Variants in KIAA1217 observed in about 807,000 individuals in gnomAD.
KIAA1217 encodes KIAA1217.
KIAA1217 carries 88 observed loss-of-function variants against 163.9 expected under a neutral mutation model. The observed-to-expected ratio is 0.54, with a 90% CI of 0.45 to 0.64. The LOEUF (loss-of-function observed/expected upper bound fraction) is 0.64, where lower values mean the gene tolerates loss of function less well. Ranked by LOEUF, KIAA1217 falls within the 30% of genes least tolerant of loss-of-function variation. The pLI is 0.00. For missense variants in KIAA1217, 2,372 were observed against 2,475.0 expected (o/e 0.96, Z 0.88); for synonymous variants, 903 against 923.1 (o/e 0.98, Z 0.39).
chr10:24,106,855 T>TTTGG (rs72182311), intron 2 of KIAA1217, among the ~76,000 whole-genome samples: 6,609 of 152,212 alleles, frequency 0.043, 498 homozygotes, highest in African/African-American at 0.15. Context: ...TGTTGTGTTG[T>TTTGG]TTGGTTGGTT....
At chr10:23,989,657 A>T (rs77022570) in intron 1 of KIAA1217, among the ~76,000 whole-genome samples, 1 of 152,178 alleles carries the variant, frequency 6.6e-6, no homozygotes, top group South Asian at 2.1e-4. Context: ...TTGGGGTATC[A>T]GTTCCTGTAC....
At chr10:24,148,632 G>A (rs2064454794) in intron 2 of KIAA1217, among the ~76,000 whole-genome samples, 1 of 152,158 alleles carries the variant, frequency 6.6e-6, no homozygotes, top group Non-Finnish European at 1.5e-5. Context: ...CATGTGATAT[G>A]CCGGCTTCCC....
intron 2 of KIAA1217, among the ~76,000 whole-genome samples, chr10:24,138,067 A>G (rs1424200476): frequency 1.3e-5 from 2 of 152,244 alleles, no homozygotes; most frequent in African/African-American, 4.8e-5. Flanking sequence ...GTATAGTAGC[A>G]TAAGGTTCTT....
At chr10:24,418,070 C>T (rs749818925) in intron 3 of KIAA1217, among the ~76,000 whole-genome samples, 4 of 151,636 alleles carry the variant, frequency 2.6e-5, no homozygotes, top group African/African-American at 7.3e-5. Flanking sequence ...CCTCAGCCTC[C>T]GTAGTAGCTG....
rs58288361 is a variant in KIAA1217, at chr10:23,869,124, G to GTTTTTTT, written c.-320-138077_-320-138071dup. ...GTGTAACGTGCAATCATGAAATGTA[G>GTTTTTTT]TTTTTTTTTTTTTTTTTTTTTTTTT... On this transcript the variant is annotated intron_variant, in intron 1 of 18. Transcript: ENST00000376462. Among the ~76,000 whole-genome samples, 23 of 31,726 alleles carry GTTTTTTT rather than the reference G, an allele frequency of 7.2e-4. 2 individuals are homozygous for GTTTTTTT. Among genetic ancestry groups the GTTTTTTT allele is most frequent in the African/African-American group, 1.2e-3 (10 of 8,288 alleles). 20.8% of individuals were successfully genotyped at this position (31,726 alleles called of 152,430 possible).
At chr10:24,430,525 A>G (rs540148786) in intron 3 of KIAA1217, among the ~76,000 whole-genome samples, 2 of 152,084 alleles carry the variant, frequency 1.3e-5, no homozygotes, top group African/African-American at 4.8e-5. Flanking sequence ...CTTTATTTCT[A>G]TTATTATTGC....
Position 24,323,920 on chromosome 10 carries a change from T to TA in KIAA1217, c.355-56944dup, listed in dbSNP as rs550988258. ...TAGTTAATTAATGATAGTATGTTTC[T>TA]AAAAATCAAAGGAAGAATAATAAGT... On this transcript the variant is annotated intron_variant, in intron 2 of 20. Coordinates refer to ENST00000376454, the MANE Select transcript of KIAA1217 (RefSeq NM_019590.5). Among the ~76,000 whole-genome samples the TA allele has an allele frequency of 2.6e-5, 4 of 151,984 alleles. No homozygotes were observed. The East Asian group carries it at 5.8e-4, about 22-fold the overall frequency.
chr10:24,226,047 G>A (rs2130975974), intron 2 of KIAA1217, among the ~76,000 whole-genome samples: 1 of 152,176 alleles, frequency 6.6e-6, no homozygotes, highest in East Asian at 1.9e-4. Flanking sequence ...TCAGAAAGAA[G>A]AGATTTCTTA....
intron 2 of KIAA1217, among the ~76,000 whole-genome samples, chr10:24,010,538 T>TC (rs1182897705): frequency 1.3e-5 from 2 of 151,746 alleles, no homozygotes; most frequent in East Asian, 1.9e-4. Context: ...CTGTAGATCT[T>TC]CCCCCCCTTC....
intron 1 of KIAA1217, among the ~76,000 whole-genome samples, chr10:23,798,439 G>A (rs1836309733): frequency 6.6e-6 from 1 of 152,154 alleles, no homozygotes; most frequent in South Asian, 2.1e-4. Flanking sequence ...GCATTGGCTT[G>A]GGCTTGGACA....
chr10:23,842,963 A>G (rs1350636127), intron 1 of KIAA1217, among the ~76,000 whole-genome samples: 1 of 152,172 alleles, frequency 6.6e-6, no homozygotes, highest in Non-Finnish European at 1.5e-5. Context: ...CCAAGTAAAA[A>G]TTATTATCTT....
rs540204998 is a variant in KIAA1217 at position 23,703,673 on chromosome 10, C to T, written c.-321+8439C>T. Among the ~76,000 whole-genome samples the T allele has an allele frequency of 1.4e-4, 21 of 152,180 alleles. 1 individual carries two copies. In the South Asian group the frequency reaches 3.7e-3, roughly 27 times the overall value. On this transcript the variant is annotated intron_variant, in intron 1 of 18. Transcript: ENST00000376462. Reference sequence around the variant, plus strand: ...TGGTCCCCATACTGCACTGTTTTCACGGCTAACAATGATGTAAAAGAAAGG... The same window carrying T: ...TGGTCCCCATACTGCACTGTTTTCATGGCTAACAATGATGTAAAAGAAAGG...
rs572336222 is a variant in KIAA1217, at chr10:24,488,327, T to C, written c.1680-6173T>C. The stretch of plus-strand genomic sequence containing the variant: ...GGATGGGAGGGGATTTCCTGGGTAG[T>C]GGTAGGGAACTTAGGGATGAGATAG... On this transcript the variant is annotated intron_variant, in intron 6 of 20. Coordinates refer to ENST00000376454, the MANE Select transcript of KIAA1217 (RefSeq NM_019590.5). 9.9e-5 allele frequency among the ~76,000 whole-genome samples: 15 copies of C among 152,146 alleles called. No homozygotes were observed. The South Asian group carries it at 3.1e-3, about 32-fold the overall frequency.
At chr10:23,955,461 T>G (rs1204208172) in intron 1 of KIAA1217, among the ~76,000 whole-genome samples, 2 of 152,224 alleles carry the variant, frequency 1.3e-5, no homozygotes, top group Admixed American at 1.3e-4. Flanking sequence ...GCTCCTTTTA[T>G]CCATCAAAAC....
intron 2 of KIAA1217, among the ~76,000 whole-genome samples, chr10:24,126,122 A>G (rs185071145): frequency 1.6e-3 from 242 of 152,342 alleles, no homozygotes; most frequent in Middle Eastern, 0.014. Context: ...ATGCCAATTT[A>G]TAATTCTATT....
At chr10:24,476,223 T>G (rs566674499) in intron 6 of KIAA1217, among the ~76,000 whole-genome samples, 15 of 152,334 alleles carry the variant, frequency 9.8e-5, no homozygotes, top group African/African-American at 3.6e-4. Flanking sequence ...GTGTCATCTG[T>G]GTGATTACCA....
intron 6 of KIAA1217, among the ~76,000 whole-genome samples, chr10:24,479,309 C>A (rs2064378512): frequency 6.6e-6 from 1 of 151,770 alleles, no homozygotes. Flanking sequence ...AAATGAAAGT[C>A]TAAATTCAGA....
At chr10:24,392,050 T>C (rs2055059203) in intron 3 of KIAA1217, among the ~76,000 whole-genome samples, 1 of 152,112 alleles carries the variant, frequency 6.6e-6, no homozygotes, top group African/African-American at 2.4e-5. Context: ...TCAAAACCAA[T>C]AAAAATATCA....
At position 23,954,102 on chromosome 10, in the gene KIAA1217, T is replaced by G. The variant is rs536865467; in HGVS notation, c.-320-53123T>G. ...CCTGAAGGGTTTGTTATTTTCCATATCCACTGAGCAAGAACATGGTGGGCC... is the reference window on the plus strand; with the variant it reads ...CCTGAAGGGTTTGTTATTTTCCATAGCCACTGAGCAAGAACATGGTGGGCC... On this transcript the variant is annotated intron_variant, in intron 1 of 18. Transcript: ENST00000376462. 1.7e-3 allele frequency among the ~76,000 whole-genome samples: 252 copies of G among 152,332 alleles called. 1 individual carries two copies. The highest frequency in any genetic ancestry group is 3.5e-3 in the Admixed American group (53 of 15,304).
Sources: allele counts gnomAD v4.1 joint callset (sites outside exome capture counted in the v4.1 genomes callset), GRCh38; gene constraint gnomAD v4.1.1; transcripts MANE v1.5; gene names NCBI Gene and HGNC (gene_info 2026-07-23, HGNC 2026-07-21).